The following GLI2 variants were observed in gnomAD, a reference collection of about 807,000 sequenced individuals.
The protein encoded by GLI2 is GLI family zinc finger 2.
GLI2 carries 22 observed loss-of-function variants against 78.9 expected under a neutral mutation model. That is an observed-to-expected ratio of 0.28 (90% CI 0.20 to 0.40). The LOEUF (loss-of-function observed/expected upper bound fraction) is 0.40. Among genes scored for constraint, GLI2 ranks in the 10% least tolerant of loss-of-function variants. The pLI is 1.00. For synonymous variants in GLI2, 974 were observed against 963.7 expected (o/e 1.01, Z -0.20); for missense variants, 2,097 against 2,213.2 (o/e 0.95, Z 1.05).
chr2:120,839,777 G>T (rs1432800147), intron 2 of GLI2, among the ~76,000 whole-genome samples: 1 of 152,120 alleles, frequency 6.6e-6, no homozygotes, highest in African/African-American at 2.4e-5. Flanking sequence ...TGGCCAGGCT[G>T]GTCATGAACT....
intron 1 of GLI2, among the ~76,000 whole-genome samples, chr2:120,742,753 G>A (rs116219501): frequency 0.016 from 2,392 of 151,546 alleles, 65 homozygotes; most frequent in African/African-American, 0.052. Context: ...GTAATTTTGA[G>A]CTCATGATTT....
chr2:120,982,730 G>A lies in GLI2; in HGVS notation c.1482G>A (p.Ser494=), dbSNP rs200507501. 11 of 1,613,254 alleles carry A rather than the reference G, an allele frequency of 6.8e-6. No individual in the cohort carries two copies. Among genetic ancestry groups the A allele is most frequent in the South Asian group, 3.3e-5 (3 of 91,028 alleles). The part of the protein sequence containing the change: ...KPHKCTFEGC[S]KAYSRLENLK... Reference sequence around the variant, plus strand: ...CCTCCTTCTAGTTCGAGGGCTGCTCGAAGGCCTACTCCCGCCTGGAGAACC... The same window carrying A: ...CCTCCTTCTAGTTCGAGGGCTGCTCAAAGGCCTACTCCCGCCTGGAGAACC... Residue 494 remains serine, a synonymous_variant, in exon 11 of 14, where the codon TCG becomes TCA. Transcript: ENST00000361492.
At chr2:120,906,462 T>G (rs13395343) in intron 2 of GLI2, among the ~76,000 whole-genome samples, 8,512 of 152,084 alleles carry the variant, frequency 0.056, 722 homozygotes, top group African/African-American at 0.18. Context: ...GGTCAGAAAC[T>G]AAGGGGCCAG....
At chr2:120,799,931 G>T (rs988025256) in intron 2 of GLI2, among the ~76,000 whole-genome samples, 1 of 152,214 alleles carries the variant, frequency 6.6e-6, no homozygotes, top group Admixed American at 6.5e-5. Context: ...CAGGGGCGGG[G>T]ATGCTCTTGT....
intron 1 of GLI2, among the ~76,000 whole-genome samples, chr2:120,775,402 C>G (rs929488502): frequency 2.0e-5 from 3 of 152,188 alleles, no homozygotes; most frequent in African/African-American, 4.8e-5. Flanking sequence ...TCAGTGGTGT[C>G]CATCAGGGGT....
chr2:120,953,171 C>T (rs1573663886), intron 4 of GLI2, among the ~76,000 whole-genome samples: 1 of 152,182 alleles, frequency 6.6e-6, no homozygotes, highest in East Asian at 1.9e-4. Context: ...CCAGATTATC[C>T]ACACAGGCCC....
At chr2:120,931,692 A>T (rs1196178554) in intron 3 of GLI2, among the ~76,000 whole-genome samples, 2 of 152,122 alleles carry the variant, frequency 1.3e-5, no homozygotes, top group African/African-American at 4.8e-5. Flanking sequence ...GCTCTGTGAG[A>T]TGGGGGTTAA....
chr2:120,990,817 A>T lies in GLI2; in HGVS notation c.*142A>T. The T allele has an allele frequency of 1.6e-6, 1 of 638,732 alleles. No individual in the cohort carries two copies. Among genetic ancestry groups the T allele is most frequent in the Non-Finnish European group, 2.7e-6 (1 of 369,332 alleles). 39.6% of individuals were successfully genotyped at this position (638,732 alleles called of 1,614,324 possible). ...GCGCAATGGCCGCTTCAGATGACAG[A>T]TGTTGTAAGAGAAGGTTTATGGGCA... On this transcript the variant is annotated 3_prime_UTR_variant, in exon 14 of 14. Coordinates refer to ENST00000361492, the MANE Select transcript of GLI2 (RefSeq NM_001374353.1).
At position 120,884,829 on chromosome 2, in the gene GLI2, C is replaced by T. The variant is rs368646404; in HGVS notation, c.149-42532C>T. 5.6e-3 allele frequency among the ~76,000 whole-genome samples: 847 copies of T among 152,250 alleles called. 13 individuals are homozygous for T. Among genetic ancestry groups the T allele is most frequent in the African/African-American group, 0.019 (789 of 41,542 alleles). On this transcript the variant is annotated intron_variant, in intron 2 of 13. Transcript: ENST00000361492. The stretch of plus-strand genomic sequence containing the variant: ...CCTCGCCTCCTTGCTGGGAGAGTGG[C>T]GCGTGGGGGCCCAACATCTGCTCAC...
chr2:120,959,565 T>G (rs1681440491), intron 5 of GLI2, among the ~76,000 whole-genome samples: 1 of 152,232 alleles, frequency 6.6e-6, no homozygotes, highest in African/African-American at 2.4e-5. Flanking sequence ...CACTTCCACT[T>G]AGCTCCGAGG....
chr2:120,820,622 C>A (rs1685724090), intron 2 of GLI2, among the ~76,000 whole-genome samples: 1 of 152,198 alleles, frequency 6.6e-6, no homozygotes, highest in Admixed American at 6.5e-5. Flanking sequence ...GCTGTCCACG[C>A]CAGTGTGTGG....
In GLI2 at chr2:120,986,263, C is replaced by T. The variant is rs1682967134; in HGVS notation, c.1906-15C>T. 5.6e-6 allele frequency: 9 copies of T among 1,609,862 alleles called. No individual in the cohort carries two copies. The highest frequency in any genetic ancestry group is 7.6e-6 in the Non-Finnish European group (9 of 1,177,790). On this transcript the variant is annotated splice_polypyrimidine_tract_variant and intron_variant, in intron 12 of 13. Coordinates refer to ENST00000361492, the MANE Select transcript of GLI2 (RefSeq NM_001374353.1). The stretch of plus-strand genomic sequence containing the variant: ...TACCCTCTGAGTCTGAGCCTTCTTG[C>T]CTCGTCCCCTGCAGCTGTGTCAGTC...
chr2:120,928,649 C>T (rs1679807151), intron 3 of GLI2, among the ~76,000 whole-genome samples: 1 of 152,272 alleles, frequency 6.6e-6, no homozygotes, highest in Non-Finnish European at 1.5e-5. Context: ...TTGCTGGGCC[C>T]TCACTGTGCT....
chr2:120,892,930 C>T (rs1319469665), intron 2 of GLI2, among the ~76,000 whole-genome samples: 1 of 152,212 alleles, frequency 6.6e-6, no homozygotes, highest in Non-Finnish European at 1.5e-5. Flanking sequence ...GAGACCCAAA[C>T]CCAATGGGGT....
chr2:120,970,108 G>A (rs78940587), intron 6 of GLI2, among the ~76,000 whole-genome samples: 246 of 152,298 alleles, frequency 1.6e-3, no homozygotes, highest in African/African-American at 5.7e-3. Context: ...CAGCAGTGGA[G>A]AGGCCAGGGT....
intron 2 of GLI2, among the ~76,000 whole-genome samples, chr2:120,885,491 C>A (rs1249895714): frequency 6.6e-6 from 1 of 152,244 alleles, no homozygotes; most frequent in Non-Finnish European, 1.5e-5. Flanking sequence ...CCACCCGTCC[C>A]TTCTGGGGCA....
intron 2 of GLI2, among the ~76,000 whole-genome samples, chr2:120,864,072 G>A (rs1363472474): frequency 6.6e-6 from 1 of 152,204 alleles, no homozygotes; most frequent in Admixed American, 6.5e-5. Context: ...CTTTGGTGGA[G>A]CCAGGGAAAG....
intron 2 of GLI2, among the ~76,000 whole-genome samples, chr2:120,827,986 A>G (rs1443947793): frequency 6.6e-6 from 1 of 152,200 alleles, no homozygotes; most frequent in Non-Finnish European, 1.5e-5. Flanking sequence ...ACGTGAATGT[A>G]CTCAATGCCT....
intron 3 of GLI2, among the ~76,000 whole-genome samples, chr2:120,935,375 G>A (rs973020678): frequency 3.3e-5 from 5 of 152,168 alleles, no homozygotes; most frequent in African/African-American, 7.2e-5. Flanking sequence ...GCGATGTGTC[G>A]GGCAGCACAT....
Sources: allele counts gnomAD v4.1 joint callset (sites outside exome capture counted in the v4.1 genomes callset), GRCh38; gene constraint gnomAD v4.1.1; transcripts MANE v1.5; gene names NCBI Gene and HGNC (gene_info 2026-07-23, HGNC 2026-07-21).